The following PIK3AP1 variants were observed in gnomAD, a reference collection of about 807,000 sequenced individuals.
PIK3AP1 encodes phosphoinositide-3-kinase adaptor protein 1.
In PIK3AP1, 21 loss-of-function variants were observed where a neutral mutation model predicts 88.1. The observed-to-expected ratio is 0.24, with a 90% CI of 0.17 to 0.34. The LOEUF (loss-of-function observed/expected upper bound fraction) is 0.34, where lower values mean the gene tolerates loss of function less well. Ranked by LOEUF, PIK3AP1 falls within the 10% of genes least tolerant of loss-of-function variation. PIK3AP1 has a pLI of 1.00. For synonymous variants in PIK3AP1, 398 were observed against 400.0 expected, an observed-to-expected ratio of 1.00 and a Z score of 0.06; for missense variants, 828 against 1,035.7, an observed-to-expected ratio of 0.80 and a Z score of 2.75.
intron 2 of PIK3AP1, chr10:96,669,687 G>C (rs1460038443): frequency 6.6e-6 from 1 of 151,914 alleles, no homozygotes; most frequent in Non-Finnish European, 1.5e-5. Context: ...AGCTAATCAG[G>C]AGACGGAGGC....
At chr10:96,715,217 C>T (rs112999971) in intron 1 of PIK3AP1, among the ~76,000 whole-genome samples, 7 of 152,242 alleles carry the variant, frequency 4.6e-5, no homozygotes, top group Admixed American at 1.3e-4. Flanking sequence ...TCATACAAAT[C>T]CCGACTGAGG....
At chr10:96,652,094 C>T (rs1843546406) in intron 4 of PIK3AP1, among the ~76,000 whole-genome samples, 1 of 151,608 alleles carries the variant, frequency 6.6e-6, no homozygotes, top group African/African-American at 2.4e-5. Flanking sequence ...GTCATGACTA[C>T]GCACTCTCCC....
intron 10 of PIK3AP1, among the ~76,000 whole-genome samples, chr10:96,625,526 G>A (rs1364357104): frequency 6.6e-6 from 1 of 152,186 alleles, no homozygotes; most frequent in Admixed American, 6.5e-5. Flanking sequence ...AAACAAAAAT[G>A]TGTGTACTAT....
chr10:96,684,024 T>C (rs780171878), intron 2 of PIK3AP1, among the ~76,000 whole-genome samples: 3 of 152,190 alleles, frequency 2.0e-5, no homozygotes, highest in Non-Finnish European at 4.4e-5. Flanking sequence ...CACAGGGCAT[T>C]TATTTTGAGA....
At chr10:96,634,615 T>C (rs558654984) in intron 8 of PIK3AP1, among the ~76,000 whole-genome samples, 45 of 152,298 alleles carry the variant, frequency 3.0e-4, no homozygotes, top group South Asian at 1.5e-3. Context: ...ATGATGATCA[T>C]TGGGGCCACA....
intron 9 of PIK3AP1, among the ~76,000 whole-genome samples, chr10:96,627,518 G>A (rs1843170138): frequency 6.6e-6 from 1 of 152,108 alleles, no homozygotes; most frequent in African/African-American, 2.4e-5. Context: ...TTATAAGACA[G>A]GCAGATGGCC....
chr10:96,658,457 C>T (rs1305616480), intron 2 of PIK3AP1, among the ~76,000 whole-genome samples: 7 of 152,160 alleles, frequency 4.6e-5, no homozygotes, highest in Admixed American at 4.6e-4. Context: ...GCTTCCACAA[C>T]CATAAAGGCC....
At chr10:96,651,863 A>G (rs1589515992) in intron 4 of PIK3AP1, among the ~76,000 whole-genome samples, 1 of 152,260 alleles carries the variant, frequency 6.6e-6, no homozygotes, top group African/African-American at 2.4e-5. Context: ...GGCCACAGCA[A>G]TTTATCCTCA....
rs993394277 is a variant in PIK3AP1, at chr10:96,717,937, C to G, written c.13+2445G>C. On this transcript the variant is annotated intron_variant, in intron 1 of 16. Transcript: ENST00000339364. ...TTTCAGAAAACAATATAGACTAATG[C>G]TTCCCCTTCAGTGGAAGGGAATTTA... Among the ~76,000 whole-genome samples, 10 of 152,292 alleles carry G rather than the reference C, an allele frequency of 6.6e-5. No homozygotes were observed. The South Asian group carries it at 2.1e-3, about 32-fold the overall frequency.
intron 9 of PIK3AP1, among the ~76,000 whole-genome samples, chr10:96,627,229 C>T (rs1843166396): frequency 6.6e-6 from 1 of 152,218 alleles, no homozygotes; most frequent in Admixed American, 6.5e-5. Context: ...ACTGTCAAAG[C>T]CCTAGTTAAG....
At chr10:96,663,927 ATAAACTT>A (rs763983373) in intron 2 of PIK3AP1, among the ~76,000 whole-genome samples, 4 of 152,204 alleles carry the variant, frequency 2.6e-5, no homozygotes, top group African/African-American at 9.7e-5. Flanking sequence ...AGTACACCCA[ATAAACTT>A]TAAACTTTAA....
intron 2 of PIK3AP1, among the ~76,000 whole-genome samples, chr10:96,675,298 G>T (rs1356017410): frequency 1.3e-5 from 2 of 152,164 alleles, no homozygotes; most frequent in Admixed American, 6.5e-5. Context: ...GGGAAGGAAG[G>T]TTGGGTGGAA....
chr10:96,619,686 T>G (rs1222838748), intron 12 of PIK3AP1, among the ~76,000 whole-genome samples: 4 of 152,246 alleles, frequency 2.6e-5, no homozygotes, highest in African/African-American at 4.8e-5. Context: ...GGTATGGAGT[T>G]ATATATTCTC....
chr10:96,719,889 G>T (rs1297562844), intron 1 of PIK3AP1, among the ~76,000 whole-genome samples: 1 of 152,062 alleles, frequency 6.6e-6, no homozygotes, highest in Non-Finnish European at 1.5e-5. Context: ...AAGCCTGGGA[G>T]GGGTGGAGGA....
chr10:96,714,975 C>T lies in PIK3AP1; in HGVS notation c.14-4992G>A, dbSNP rs142516149. ...AGAGTGTAACTCCTTATACAGAGAA[C>T]TTAGTGTTTGGCTGTGTCAAGTGAG... On this transcript the variant is annotated intron_variant, in intron 1 of 16. Coordinates refer to ENST00000339364, the MANE Select transcript of PIK3AP1 (RefSeq NM_152309.3). Among the ~76,000 whole-genome samples, 106 of 151,860 alleles carry T rather than the reference C, an allele frequency of 7.0e-4. 1 individual carries two copies. Among genetic ancestry groups the T allele is most frequent in the African/African-American group, 2.5e-3 (105 of 41,382 alleles).
At chr10:96,654,929 G>A (rs938209266) in intron 3 of PIK3AP1, among the ~76,000 whole-genome samples, 6 of 152,210 alleles carry the variant, frequency 3.9e-5, no homozygotes, top group East Asian at 1.9e-4. Context: ...GTGGGGACCC[G>A]CCAACTGGGG....
At position 96,645,752 on chromosome 10, in the gene PIK3AP1, G is replaced by A. The variant is rs1381949447; in HGVS notation, c.1186-90C>T. On this transcript the variant is annotated intron_variant, in intron 7 of 16. Coordinates refer to ENST00000339364, the MANE Select transcript of PIK3AP1 (RefSeq NM_152309.3). ...CCCGAAGGCACTTGTGGCCAGCAAAGTAAAGGCTCCCATGAGTCAGGATTA... is the reference window on the plus strand; with the variant it reads ...CCCGAAGGCACTTGTGGCCAGCAAAATAAAGGCTCCCATGAGTCAGGATTA... The A allele has an allele frequency of 2.0e-5, 22 of 1,110,684 alleles. 1 individual carries two copies. Among genetic ancestry groups the A allele is most frequent in the Non-Finnish European group, 2.3e-5 (18 of 774,360 alleles). The allele number at this position is 1,110,684 out of a possible 1,614,324, so 68.8% of individuals were successfully genotyped here.
At chr10:96,659,524 G>C (rs1843658177) in intron 2 of PIK3AP1, among the ~76,000 whole-genome samples, 1 of 151,990 alleles carries the variant, frequency 6.6e-6, no homozygotes, top group Non-Finnish European at 1.5e-5. Flanking sequence ...GAAGTGAAAA[G>C]TCTACGGTAA....
chr10:96,633,190 C>T (rs1364681135), intron 8 of PIK3AP1: 3 of 1,072,404 alleles, frequency 2.8e-6, no homozygotes, highest in South Asian at 1.9e-5. Context: ...ATTTCTAGTT[C>T]CTGTACAGAT....
Sources: gnomAD v4.1 joint callset for allele counts (sites outside exome capture counted in the v4.1 genomes callset) on GRCh38, gnomAD v4.1.1 for gene constraint, MANE v1.5 for transcripts, NCBI Gene and HGNC (gene_info 2026-07-23, HGNC 2026-07-21) for gene names.